APP: variants seen among roughly 807,000 people sequenced by gnomAD.
The protein encoded by APP is amyloid beta precursor protein, also known as amyloid-beta precursor protein.
In APP, 31 loss-of-function variants were observed where a neutral mutation model predicts 101.4. That is an observed-to-expected ratio of 0.31 (90% CI 0.23 to 0.41). The LOEUF (loss-of-function observed/expected upper bound fraction) is 0.41, where lower values mean the gene tolerates loss of function less well. Among genes scored for constraint, APP ranks in the 10% least tolerant of loss-of-function variants. The pLI, the probability that APP is intolerant of heterozygous loss-of-function variation, is 1.00. For synonymous variants in APP, 366 were observed against 364.4 expected, an observed-to-expected ratio of 1.00 and a Z score of -0.05; for missense variants, 839 against 1,003.7, an observed-to-expected ratio of 0.84 and a Z score of 2.22.
chr21:25,912,865 C>T (rs543792624), intron 13 of APP, among the ~76,000 whole-genome samples: 14 of 151,814 alleles, frequency 9.2e-5, no homozygotes, highest in Non-Finnish European at 1.9e-4. Flanking sequence ...AAAACTGACC[C>T]CAGGATATGA....
chr21:25,881,884 A>G, intron 17 of APP, 113 bp from the exon 18 acceptor site: 5 of 1,027,418 alleles, frequency 4.9e-6, no homozygotes, highest in Non-Finnish European at 7.3e-6. Context: ...CCAAGATTGC[A>G]GAACACCCAT....
chr21:25,892,912 A>T (rs2037786720), intron 16 of APP, among the ~76,000 whole-genome samples: 1 of 151,714 alleles, frequency 6.6e-6, no homozygotes, highest in East Asian at 1.9e-4. Flanking sequence ...ACAGGCATAC[A>T]TAGCTTTATT....
At chr21:25,913,040 A>G (rs926489394) in intron 13 of APP, among the ~76,000 whole-genome samples, 20 of 152,372 alleles carry the variant, frequency 1.3e-4, no homozygotes, top group Non-Finnish European at 1.9e-4. Context: ...GCTGTAGTAT[A>G]TATTTCAGAC....
At chr21:26,105,520 G>A (rs1057079587) in intron 2 of APP, among the ~76,000 whole-genome samples, 18 of 149,294 alleles carry the variant, frequency 1.2e-4, no homozygotes, top group Non-Finnish European at 1.0e-4. Context: ...ATAAAAACAT[G>A]AAGTTAAAAA....
intron 13 of APP, among the ~76,000 whole-genome samples, chr21:25,952,487 C>T (rs988984427): frequency 8.6e-5 from 13 of 151,520 alleles, no homozygotes; most frequent in African/African-American, 1.9e-4. Context: ...TTGGGCATTT[C>T]GTAATATTCA....
chr21:26,169,736 G>A (rs2063699961), intron 1 of APP, among the ~76,000 whole-genome samples: 1 of 152,232 alleles, frequency 6.6e-6, no homozygotes, highest in African/African-American at 2.4e-5. Flanking sequence ...CCCACGGCGA[G>A]GGCGGGGTGT....
intron 15 of APP, among the ~76,000 whole-genome samples, chr21:25,903,061 A>G (rs554548082): frequency 7.2e-6 from 1 of 139,442 alleles, no homozygotes; most frequent in Non-Finnish European, 1.5e-5. Flanking sequence ...GATTTAGATT[A>G]AAAAAAATTT....
chr21:26,121,808 C>G (rs1483775747), intron 1 of APP, among the ~76,000 whole-genome samples: 1 of 152,202 alleles, frequency 6.6e-6, no homozygotes, highest in Non-Finnish European at 1.5e-5. Context: ...GCAAACTTAA[C>G]AGGTTTCTTT....
intron 1 of APP, among the ~76,000 whole-genome samples, chr21:26,112,477 A>G (rs887845173): frequency 6.6e-6 from 1 of 152,240 alleles, no homozygotes; most frequent in Admixed American, 6.5e-5. Context: ...ACGTTTTCCT[A>G]TAATAAATAT....
intron 16 of APP, 132 bp from the exon 17 acceptor site, chr21:25,892,000 G>T: frequency 2.1e-5 from 16 of 762,846 alleles, no homozygotes; most frequent in East Asian, 3.5e-5. Context: ...AAAAGTTTCA[G>T]TATATTCTCT....
At chr21:26,046,718 C>T (rs1209468297) in intron 5 of APP, among the ~76,000 whole-genome samples, 1 of 152,140 alleles carries the variant, frequency 6.6e-6, no homozygotes, top group Non-Finnish European at 1.5e-5. Context: ...GACTCTACAA[C>T]AATTAGAGGG....
At position 26,112,935 on chromosome 21, in the gene APP, G is replaced by C. The variant is rs780349457; in HGVS notation, c.58-789C>G. ...TTCACAAAATAACTTCATGAAAAAGGGTGCCTTCTGTATTTTCAAACTCTT... is the reference window on the plus strand; with the variant it reads ...TTCACAAAATAACTTCATGAAAAAGCGTGCCTTCTGTATTTTCAAACTCTT... On this transcript the variant is annotated intron_variant, in intron 1 of 17. Transcript: ENST00000346798. 1.1e-4 allele frequency among the ~76,000 whole-genome samples: 16 copies of C among 152,130 alleles called. 1 individual carries two copies. In the South Asian group the frequency reaches 1.2e-3, roughly 12 times the overall value.
chr21:26,059,003 C>T (rs2046157021), intron 3 of APP, among the ~76,000 whole-genome samples: 1 of 151,708 alleles, frequency 6.6e-6, no homozygotes, highest in Non-Finnish European at 1.5e-5. Context: ...ATGGCGTGAA[C>T]CCGGGAGGCG....
intron 9 of APP, among the ~76,000 whole-genome samples, chr21:25,977,289 A>C (rs928135703): frequency 6.6e-6 from 1 of 152,224 alleles, no homozygotes; most frequent in Non-Finnish European, 1.5e-5. Flanking sequence ...GACAAGTAGA[A>C]TTTGTTTGAA....
chr21:25,933,111 T>C (rs1160009029), intron 13 of APP, among the ~76,000 whole-genome samples: 1 of 152,346 alleles, frequency 6.6e-6, no homozygotes, highest in Admixed American at 6.5e-5. Context: ...CTTTTCTTTT[T>C]GCTTTGAGGA....
intron 5 of APP, among the ~76,000 whole-genome samples, chr21:26,023,511 G>A (rs1315093290): frequency 6.6e-6 from 1 of 151,080 alleles, no homozygotes; most frequent in Non-Finnish European, 1.5e-5. Flanking sequence ...CTGCATTCCA[G>A]CTAGGGAGAC....
intron 16 of APP, among the ~76,000 whole-genome samples, chr21:25,895,674 A>G (rs1396919883): frequency 2.6e-5 from 4 of 152,220 alleles, no homozygotes; most frequent in Non-Finnish European, 4.4e-5. Flanking sequence ...AAAATATAGC[A>G]AATGAAGCAA....
At chr21:26,060,431 G>A (rs1601356039) in intron 3 of APP, among the ~76,000 whole-genome samples, 1 of 152,190 alleles carries the variant, frequency 6.6e-6, no homozygotes, top group South Asian at 2.1e-4. Context: ...ATCCCCTCTT[G>A]CAGCCACTGT....
chr21:26,126,143 T>C (rs2146257190), intron 1 of APP, among the ~76,000 whole-genome samples: 1 of 152,336 alleles, frequency 6.6e-6, no homozygotes, highest in South Asian at 2.1e-4. Context: ...TTTCACAAAC[T>C]TGTTCAAATA....
Sources: allele counts gnomAD v4.1 joint callset (sites outside exome capture counted in the v4.1 genomes callset), GRCh38; gene constraint gnomAD v4.1.1; transcripts MANE v1.5; gene names NCBI Gene and HGNC (gene_info 2026-07-23, HGNC 2026-07-21).